Variants in LMLN observed in about 807,000 individuals in gnomAD.
LMLN encodes leishmanolysin-like peptidase.
LMLN carries 70 observed loss-of-function variants against 92.3 expected under a neutral mutation model. The ratio of observed to expected loss-of-function variants is 0.76; its 90% CI spans 0.63 to 0.92. The LOEUF is 0.92. Ranked by LOEUF, LMLN falls within the 40% of genes least tolerant of loss-of-function variation. The pLI, the probability that LMLN is intolerant of heterozygous loss-of-function variation, is 0.00. For missense variants in LMLN, 691 were observed against 814.6 expected, an observed-to-expected ratio of 0.85 and a Z score of 1.85; for synonymous variants, 308 against 296.2, an observed-to-expected ratio of 1.04 and a Z score of -0.41.
intron 10 of LMLN, among the ~76,000 whole-genome samples, chr3:197,997,230 A>G (rs1006007583): frequency 6.6e-6 from 1 of 152,026 alleles, no homozygotes; most frequent in African/African-American, 2.4e-5. Flanking sequence ...CCTGGGCTCA[A>G]ATGCTTCTCT....
chr3:197,974,432 A>C, exon 2 of LMLN: 4 of 1,593,922 alleles, frequency 2.5e-6, no homozygotes, highest in Non-Finnish European at 3.4e-6. Context: ...GATGTTGATG[A>C]GCATTTAAGA....
intron 7 of LMLN, 60 bp from the exon 8 acceptor site, chr3:197,985,736 C>T: frequency 8.9e-7 from 1 of 1,129,372 alleles, no homozygotes; most frequent in Non-Finnish European, 1.3e-6. Context: ...CTTTTGATCG[C>T]AGGCCTGTAA....
At chr3:197,961,576 A>G (rs886840707) in intron 1 of LMLN, among the ~76,000 whole-genome samples, 6 of 152,220 alleles carry the variant, frequency 3.9e-5, no homozygotes, top group African/African-American at 1.4e-4. Flanking sequence ...TTGGATTAAA[A>G]TAAGAGAAAG....
intron 11 of LMLN, among the ~76,000 whole-genome samples, chr3:198,010,875 C>T (rs139136228): frequency 2.9e-4 from 44 of 152,184 alleles, no homozygotes; most frequent in Middle Eastern, 3.4e-3. Context: ...TCACAAATTC[C>T]AATATGTTAT....
At chr3:198,030,644 T>A (rs1424318248) in intron 14 of LMLN, among the ~76,000 whole-genome samples, 2 of 152,218 alleles carry the variant, frequency 1.3e-5, no homozygotes, top group African/African-American at 4.8e-5. Flanking sequence ...CATCTTGGGA[T>A]CTCGAGTCAG....
chr3:197,994,497 G>A (rs1055611179), intron 9 of LMLN: 7 of 152,128 alleles, frequency 4.6e-5, no homozygotes, highest in South Asian at 4.1e-4. Context: ...GAACAGGTAC[G>A]TGAAAAAATG....
At chr3:197,984,572 T>C (rs1721648032) in intron 7 of LMLN, among the ~76,000 whole-genome samples, 1 of 150,072 alleles carries the variant, frequency 6.7e-6, no homozygotes, top group Non-Finnish European at 1.5e-5. Context: ...CACCTTAGCC[T>C]CCCAAGTAGC....
chr3:198,020,766 G>GTTT (rs1260852398), intron 12 of LMLN, among the ~76,000 whole-genome samples: 2 of 25,644 alleles, frequency 7.8e-5, no homozygotes, highest in South Asian at 1.1e-3. Context: ...GCTAATTTTT[G>GTTT]TATTTTTTTT....
chr3:198,019,937 T>C lies in LMLN; in HGVS notation c.1365+552T>C, dbSNP rs1722735508. ...GTGCAGTGGTGAGATCTCAGCTCAC[T>C]GCAGCCTCCCCTTACCAGATTCAAG... On this transcript the variant is annotated intron_variant, in intron 12 of 15. Coordinates refer to ENST00000330198, the Ensembl canonical transcript of LMLN. The surrounding 1 kb of genome is among the most constrained non-coding windows in gnomAD (Gnocchi z 5.5). 6.6e-6 allele frequency among the ~76,000 whole-genome samples: 1 copy of C among 152,196 alleles called. No homozygotes were observed.
intron 1 of LMLN, among the ~76,000 whole-genome samples, chr3:197,969,277 A>G (rs547408380): frequency 6.8e-6 from 1 of 146,840 alleles, no homozygotes; most frequent in African/African-American, 2.6e-5. Flanking sequence ...ATATATATAT[A>G]TTTTTTTTAG....
At chr3:198,029,918 C>G (rs1283699422) in intron 14 of LMLN, among the ~76,000 whole-genome samples, 1 of 152,052 alleles carries the variant, frequency 6.6e-6, no homozygotes, top group African/African-American at 2.4e-5. Flanking sequence ...CCTCGGCTCA[C>G]TGCAACCTCC....
intron 13 of LMLN, among the ~76,000 whole-genome samples, chr3:198,022,082 A>G (rs1315889485): frequency 6.6e-6 from 1 of 152,222 alleles, no homozygotes; most frequent in African/African-American, 2.4e-5. Flanking sequence ...CTCCAATGCC[A>G]TCCTCTTTTT....
intron 9 of LMLN, chr3:197,994,492 G>A (rs1721963287): frequency 6.6e-6 from 1 of 152,064 alleles, no homozygotes; most frequent in Admixed American, 6.6e-5. Flanking sequence ...ATTGTGAACA[G>A]GTACGTGAAA....
chr3:198,014,236 C>G (rs1581169377), intron 11 of LMLN, among the ~76,000 whole-genome samples: 3 of 148,910 alleles, frequency 2.0e-5, no homozygotes, highest in African/African-American at 7.6e-5. Context: ...TCTGACTTCT[C>G]TGTATCCTTC....
chr3:197,978,587 T>A (rs1031222054), intron 5 of LMLN, among the ~76,000 whole-genome samples: 7 of 152,112 alleles, frequency 4.6e-5, no homozygotes, highest in African/African-American at 1.4e-4. Context: ...CAGTGAGCTA[T>A]GATCTTCCCA....
chr3:197,994,922 T>C (rs1721976258), intron 9 of LMLN, among the ~76,000 whole-genome samples: 1 of 152,242 alleles, frequency 6.6e-6, no homozygotes, highest in South Asian at 2.1e-4. Context: ...ACTGCAGCGC[T>C]ATTTACAACA....
intron 1 of LMLN, among the ~76,000 whole-genome samples, chr3:197,960,987 C>T (rs1720856843): frequency 6.6e-6 from 1 of 152,142 alleles, no homozygotes; most frequent in Non-Finnish European, 1.5e-5. Context: ...TTGCTTTACC[C>T]GGTTCCTCTG....
chr3:197,997,011 TTTTCC>T (rs1240074858), intron 10 of LMLN, among the ~76,000 whole-genome samples: 5 of 141,904 alleles, frequency 3.5e-5, no homozygotes, highest in African/African-American at 1.4e-4. Flanking sequence ...TTTTCTTTTC[TTTTCC>T]TTTCTTTTCT....
At chr3:198,037,369 C>T (rs143633464) in intron 15 of LMLN, among the ~76,000 whole-genome samples, 238 of 152,282 alleles carry the variant, frequency 1.6e-3, no homozygotes, top group African/African-American at 5.4e-3. Context: ...TCTGCAGTTA[C>T]AATCATAATG....
Sources: allele counts gnomAD v4.1 joint callset (sites outside exome capture counted in the v4.1 genomes callset), GRCh38; gene constraint gnomAD v4.1.1; non-coding constraint Gnocchi (gnomAD v3.1); transcripts MANE v1.5; gene names NCBI Gene and HGNC (gene_info 2026-07-23, HGNC 2026-07-21).